KLF8: variants seen among roughly 807,000 people sequenced by gnomAD.
KLF8 encodes Krueppel-like factor 8.
In KLF8, 10 loss-of-function variants were observed where a neutral mutation model predicts 18.2. The ratio of observed to expected loss-of-function variants is 0.55; its 90% CI spans 0.34 to 0.93. The LOEUF (loss-of-function observed/expected upper bound fraction) is 0.93. KLF8 is among the 40% of genes least tolerant of loss of function. The pLI is 0.02. For synonymous variants in KLF8, 109 were observed against 97.3 expected, an observed-to-expected ratio of 1.12 and a Z score of -0.71; for missense variants, 264 against 277.9, an observed-to-expected ratio of 0.95 and a Z score of 0.36.
chrX:56,161,113 C>T, the KLF8 span, among the ~76,000 whole-genome samples: 1 of 111,236 alleles, frequency 9.0e-6, no homozygotes, highest in East Asian at 2.8e-4. Flanking sequence ...AACATTTGCT[C>T]GTCTGTAAAG....
chrX:55,996,208 C>T, the KLF8 span, among the ~76,000 whole-genome samples: 7 of 111,909 alleles, frequency 6.3e-5, no homozygotes, highest in South Asian at 1.5e-3. Flanking sequence ...TTTTTCAGCT[C>T]TCTCAGATCA....
the KLF8 span, among the ~76,000 whole-genome samples, chrX:56,146,732 G>T: frequency 9.1e-6 from 1 of 109,718 alleles, no homozygotes; most frequent in African/African-American, 3.3e-5. Flanking sequence ...AAAAGAAGAA[G>T]AAGAGAAAAA....
chrX:55,938,722 A>T, the KLF8 span, among the ~76,000 whole-genome samples: 1 of 111,251 alleles, frequency 9.0e-6, no homozygotes, highest in Non-Finnish European at 1.9e-5. Context: ...AGGGGTTGCA[A>T]TCCTAGTCTC....
the KLF8 span, among the ~76,000 whole-genome samples, chrX:55,918,960 T>C: frequency 8.9e-6 from 1 of 112,202 alleles, no homozygotes; most frequent in African/African-American, 3.2e-5. Context: ...CCTTTGGCCC[T>C]CCAAAATTTA....
chrX:56,093,689 C>T, the KLF8 span, among the ~76,000 whole-genome samples: 1 of 109,957 alleles, frequency 9.1e-6, no homozygotes, highest in Non-Finnish European at 1.9e-5. Context: ...ACAGTTTGCT[C>T]AAAATATTAA....
At chrX:55,973,201 A>G in the KLF8 span, among the ~76,000 whole-genome samples, 1 of 112,169 alleles carries the variant, frequency 8.9e-6, no homozygotes, top group Non-Finnish European at 1.9e-5. Flanking sequence ...ATACAAAATC[A>G]ACTCAAGATG....
chrX:56,159,916 C>T, the KLF8 span, among the ~76,000 whole-genome samples: 2 of 111,207 alleles, frequency 1.8e-5, no homozygotes, highest in African/African-American at 3.3e-5. Flanking sequence ...TTAGTTATTT[C>T]TTGCCTTCTG....
At chrX:55,944,181 C>T in the KLF8 span, among the ~76,000 whole-genome samples, 1 of 108,922 alleles carries the variant, frequency 9.2e-6, no homozygotes, top group African/African-American at 3.3e-5. Context: ...GGGATGAAGC[C>T]CACTTGATCA....
the KLF8 span, among the ~76,000 whole-genome samples, chrX:56,075,755 G>T: frequency 5.7e-4 from 64 of 111,484 alleles, no homozygotes; most frequent in South Asian, 0.023. Flanking sequence ...ACAAATAAGT[G>T]AGAACATGTG....
chrX:56,036,673 G>C, the KLF8 span, among the ~76,000 whole-genome samples: 19 of 111,775 alleles, frequency 1.7e-4, no homozygotes, highest in African/African-American at 6.1e-4. Flanking sequence ...GTCTTTTGTA[G>C]TTCCATACAT....
chrX:56,052,055 T>G, the KLF8 span, among the ~76,000 whole-genome samples: 780 of 112,074 alleles, frequency 7.0e-3, 8 homozygotes, highest in African/African-American at 0.024. Context: ...TTCCAGTTGA[T>G]TGCATCGGCT....
chrX:56,196,811 A>G, the KLF8 span, among the ~76,000 whole-genome samples: 1 of 111,823 alleles, frequency 8.9e-6, no homozygotes, highest in African/African-American at 3.2e-5. Flanking sequence ...TCAGCACCAC[A>G]TCTCATTATT....
the KLF8 span, among the ~76,000 whole-genome samples, chrX:56,168,500 G>A: frequency 1.8e-5 from 2 of 112,117 alleles, no homozygotes; most frequent in Non-Finnish European, 1.9e-5. Flanking sequence ...TAAAAAAATA[G>A]TCTTTTTTAT....
chrX:56,123,271 A>AACAG, the KLF8 span, among the ~76,000 whole-genome samples: 15 of 91,279 alleles, frequency 1.6e-4, no homozygotes, highest in African/African-American at 7.8e-4. Context: ...GAAAGAAAGA[A>AACAG]AAAGAAAGAA....
At chrX:56,083,933 C>A in the KLF8 span, among the ~76,000 whole-genome samples, 1 of 111,668 alleles carries the variant, frequency 9.0e-6, no homozygotes, top group South Asian at 3.8e-4. Flanking sequence ...GAAACTGGTC[C>A]CTGGTGCCAT....
chrX:56,106,638 T>C, the KLF8 span, among the ~76,000 whole-genome samples: 2 of 111,963 alleles, frequency 1.8e-5, no homozygotes, highest in Non-Finnish European at 3.8e-5. Context: ...GTTTTTAGCT[T>C]CCTTGCAATG....
At chrX:56,086,152 C>T in the KLF8 span, among the ~76,000 whole-genome samples, 15 of 112,010 alleles carry the variant, frequency 1.3e-4, no homozygotes, top group South Asian at 1.1e-3. Context: ...GATTTGGGGA[C>T]GGGTACAAGG....
At chrX:56,221,316 C>T in the KLF8 span, among the ~76,000 whole-genome samples, 1 of 111,914 alleles carries the variant, frequency 8.9e-6, no homozygotes, top group Non-Finnish European at 1.9e-5. Flanking sequence ...TATTCCAACA[C>T]AGAGTGGCCA....
At chrX:56,133,926 A>C in the KLF8 span, among the ~76,000 whole-genome samples, 1 of 110,679 alleles carries the variant, frequency 9.0e-6, no homozygotes, top group Non-Finnish European at 1.9e-5. Flanking sequence ...TATCTGCAAA[A>C]AAAAAAAAAT....
Sources: gnomAD v4.1 joint callset for allele counts (sites outside exome capture counted in the v4.1 genomes callset) on GRCh38, gnomAD v4.1.1 for gene constraint, MANE v1.5 for transcripts, NCBI Gene and HGNC (gene_info 2026-07-23, HGNC 2026-07-21) for gene names.